ABCG5: variants seen among roughly 807,000 people sequenced by gnomAD.
ABCG5 encodes ATP binding cassette subfamily G member 5.
ABCG5 carries 64 observed loss-of-function variants against 64.5 expected under a neutral mutation model. The ratio of observed to expected loss-of-function variants is 0.99; its 90% CI spans 0.81 to 1.22. The LOEUF is 1.22. Among genes scored for constraint, ABCG5 ranks in the 50% most tolerant of loss-of-function variants. The probability of loss-of-function intolerance (pLI) is 0.00; values close to 1 mark genes in which losing one functional copy is unlikely to be tolerated. For missense variants in ABCG5, 908 were observed against 829.5 expected (o/e 1.09, Z -1.16); for synonymous variants, 385 against 326.3 (o/e 1.18, Z -1.94).
chr2:43,838,355 A>G lies in ABCG5; in HGVS notation c.143+182T>C. The G allele has an allele frequency of 1.5e-6, 1 of 655,228 alleles. No individual in the cohort carries two copies. The allele number at this position is 655,228 out of a possible 1,614,324, so 40.6% of individuals were successfully genotyped here. ...CCTTCCCTGGGCAGGGGGAGGGGCCATTCACTGTCGCTCCATGTTTCCCAG... is the reference window on the plus strand; with the variant it reads ...CCTTCCCTGGGCAGGGGGAGGGGCCGTTCACTGTCGCTCCATGTTTCCCAG... On this transcript the variant is annotated intron_variant, in intron 1 of 12. Transcript: ENST00000405322. This position sits in a 1 kb window ranked among gnomAD's most constrained non-coding sequence, Gnocchi z 4.2.
chr2:43,813,708 C>CTTT (rs1558715512), intron 12 of ABCG5, among the ~76,000 whole-genome samples: 4 of 35,368 alleles, frequency 1.1e-4, no homozygotes, highest in African/African-American at 2.1e-4. Context: ...TTTTTTTTTT[C>CTTT]GTTTTTTTTT....
chr2:43,838,487 C>G lies in ABCG5; in HGVS notation c.143+50G>C, dbSNP rs1345227506. ...AAGAAAGGCAGCAGAGGGGTGAGCG[C>G]CGGGCCCCGCACTCCTGGGGGAGCA... On this transcript the variant is annotated intron_variant, in intron 1 of 12. Coordinates refer to ENST00000405322, the MANE Select transcript of ABCG5 (RefSeq NM_022436.3). This position sits in a 1 kb window ranked among gnomAD's most constrained non-coding sequence, Gnocchi z 4.2. The G allele has an allele frequency of 6.5e-7, 1 of 1,543,456 alleles. No homozygotes were observed. Among genetic ancestry groups the G allele is most frequent in the Admixed American group, 1.9e-5 (1 of 52,322 alleles).
At chr2:43,826,119 A>T (rs186607486) in intron 6 of ABCG5, among the ~76,000 whole-genome samples, 5 of 151,012 alleles carry the variant, frequency 3.3e-5, no homozygotes, top group Admixed American at 6.6e-5. Context: ...GGGACCACAG[A>T]TATGCACCAC....
chr2:43,811,243 C>A (rs1020484425), downstream of ABCG5, among the ~76,000 whole-genome samples: 1 of 152,162 alleles, frequency 6.6e-6, no homozygotes, highest in Non-Finnish European at 1.5e-5. Context: ...ATCTGTAAGA[C>A]ATTGTGTAAC....
chr2:43,821,206 C>A (rs1248701562), intron 10 of ABCG5, among the ~76,000 whole-genome samples: 1 of 152,178 alleles, frequency 6.6e-6, no homozygotes, highest in Admixed American at 6.5e-5. Context: ...GCTATCAATG[C>A]CGTTCCTCAT....
intron 2 of ABCG5, among the ~76,000 whole-genome samples, chr2:43,836,142 T>C (rs1572802409): frequency 2.0e-5 from 3 of 152,128 alleles, no homozygotes; most frequent in South Asian, 4.1e-4. Context: ...GGTTTTGCCA[T>C]GTTAGCCAGG....
rs376129056 is a variant in ABCG5, at chr2:43,828,022, G to A, written c.595C>T (p.Arg199Cys). 1.1e-5 allele frequency: 17 copies of A among 1,614,070 alleles called. No individual in the cohort carries two copies. The highest frequency in any genetic ancestry group is 6.6e-5 in the South Asian group (6 of 91,072). The stretch of plus-strand genomic sequence containing the variant: ...AGCTGGGCTGCGATGGAGACCCGGC[G>A]CCGCTCACCCGTGGAAATGCCCCCC... ...SLGGISTGER[R>C]RVSIAAQLLQ... The change falls in exon 5 of 13, where the codon CGC becomes TGC. Residue 199 changes from arginine (R) to cysteine (C), a missense_variant. By Grantham distance (180) the Arg-to-Cys change is radical. Transcript: ENST00000405322.
chr2:43,839,129 T>C, upstream of ABCG5: 3 of 1,550,972 alleles, frequency 1.9e-6, no homozygotes, highest in Non-Finnish European at 2.6e-6. Context: ...GAGTGAGCAA[T>C]GGGAAGTCGG....
rs150321642 is a variant in ABCG5 at position 43,813,771 on chromosome 2, G to T, written c.1763-462C>A. 7.2e-3 allele frequency among the ~76,000 whole-genome samples: 936 copies of T among 130,800 alleles called. 14 individuals are homozygous for T. The highest frequency in any genetic ancestry group is 0.024 in the African/African-American group (830 of 34,506). The allele number at this position is 130,800 out of a possible 152,430, so 85.8% of individuals were successfully genotyped here. Reference sequence around the variant, plus strand: ...TTCACTCTGCCGCCCAGGCTGGAGTGCAGTGGCTCGATCTGGGCTCACTGC... The same window carrying T: ...TTCACTCTGCCGCCCAGGCTGGAGTTCAGTGGCTCGATCTGGGCTCACTGC... On this transcript the variant is annotated intron_variant, in intron 12 of 12. Transcript: ENST00000405322.
chr2:43,810,378 C>G (rs1666439923), downstream of ABCG5: 1 of 985,354 alleles, frequency 1.0e-6, no homozygotes, highest in Non-Finnish European at 1.2e-6. Context: ...TTTTGAAGAA[C>G]AGGCACATCT....
chr2:43,838,320 A>C lies in ABCG5; in HGVS notation c.143+217T>G. 1 of 613,324 alleles carries C rather than the reference A, an allele frequency of 1.6e-6. No homozygotes were observed. Among genetic ancestry groups the C allele is most frequent in the South Asian group, 2.0e-5 (1 of 50,038 alleles). 38.0% of individuals were successfully genotyped at this position (613,324 alleles called of 1,614,324 possible). ...GCAGGGCACTGCTGCCACTTTGTTT[A>C]TGCCCAGGCCCTTCCCTGGGCAGGG... On this transcript the variant is annotated intron_variant, in intron 1 of 12. Transcript: ENST00000405322. The surrounding 1 kb of genome is among the most constrained non-coding windows in gnomAD (Gnocchi z 4.2).
At chr2:43,831,677 G>A (rs1448419126) in intron 4 of ABCG5, 92 bp downstream of exon 4, 1 of 1,284,118 alleles carries the variant, frequency 7.8e-7, no homozygotes, top group African/African-American at 1.5e-5. Flanking sequence ...CGAGCAAAGG[G>A]AAGGAATGGG....
intron 2 of ABCG5, among the ~76,000 whole-genome samples, chr2:43,832,903 A>G (rs1362182086): frequency 1.3e-5 from 2 of 152,132 alleles, no homozygotes; most frequent in African/African-American, 4.8e-5. Flanking sequence ...TCCGCCTCTC[A>G]GGTTCAAGCC....
intron 10 of ABCG5, 178 bp downstream of exon 10, chr2:43,822,619 T>G (rs1247564133): frequency 2.0e-6 from 2 of 984,938 alleles, no homozygotes; most frequent in Non-Finnish European, 2.4e-6. Context: ...AACCCACAGT[T>G]GGGCTATTTA....
At chr2:43,818,068 A>T (rs1464519712) in intron 11 of ABCG5, among the ~76,000 whole-genome samples, 4 of 152,202 alleles carry the variant, frequency 2.6e-5, no homozygotes, top group Non-Finnish European at 5.9e-5. Context: ...TAAATTGTTG[A>T]ATATTTAATG....
At position 43,838,549 on chromosome 2, in the gene ABCG5, G is replaced by T; in HGVS notation, c.131C>A (p.Ser44Tyr). Residue 44 changes from serine to tyrosine, a missense_variant, in exon 1 of 13, where the codon TCC becomes TAC. Physicochemically the swap from Ser to Tyr is moderately radical, Grantham distance 144. Coordinates refer to ENST00000405322, the MANE Select transcript of ABCG5 (RefSeq NM_022436.3). The surrounding 1 kb of genome is among the most constrained non-coding windows in gnomAD (Gnocchi z 4.2). The stretch of plus-strand genomic sequence containing the variant: ...GGCTCTGCCTTACCTGACGCTGTAG[G>T]AGGCATGGAGGATGCCCAGGCTGTG... ...EPHSLGILHA[S>Y]YSVSHRVRPW... 1.2e-6 allele frequency: 2 copies of T among 1,605,852 alleles called. No individual in the cohort carries two copies. Among genetic ancestry groups the T allele is most frequent in the South Asian group, 1.1e-5 (1 of 89,488 alleles).
chr2:43,814,140 C>T lies in ABCG5; in HGVS notation c.1762+337G>A, dbSNP rs114098567. Among the ~76,000 whole-genome samples, 3,288 of 152,152 alleles carry T rather than the reference C, an allele frequency of 0.022. 82 individuals carry two copies. Among genetic ancestry groups the T allele is most frequent in the African/African-American group, 0.062 (2,564 of 41,494 alleles). On this transcript the variant is annotated intron_variant, in intron 12 of 12. Coordinates refer to ENST00000405322, the MANE Select transcript of ABCG5 (RefSeq NM_022436.3). ...TATGTACGATGTACATTTTGGGGAA[C>T]AAGAAGCCACTTCAGCCTGCTTGAA...
intron 11 of ABCG5, among the ~76,000 whole-genome samples, chr2:43,817,590 C>A (rs1290533080): frequency 1.3e-5 from 2 of 151,882 alleles, no homozygotes; most frequent in East Asian, 1.9e-4. Context: ...ATAAACCCAT[C>A]ATAAGTTGAA....
At chr2:43,837,267 G>T (rs950784255) in intron 2 of ABCG5, among the ~76,000 whole-genome samples, 4 of 150,954 alleles carry the variant, frequency 2.6e-5, no homozygotes, top group African/African-American at 9.7e-5. Context: ...CCGCAGACAT[G>T]CACCACCATG....
Sources: allele counts gnomAD v4.1 joint callset (sites outside exome capture counted in the v4.1 genomes callset), GRCh38; gene constraint gnomAD v4.1.1; non-coding constraint Gnocchi (gnomAD v3.1); transcripts MANE v1.5; gene names NCBI Gene and HGNC (gene_info 2026-07-23, HGNC 2026-07-21).